Variants in LRRC27 observed in about 807,000 individuals in gnomAD.
LRRC27 encodes the protein leucine rich repeat containing 27.
Under a neutral mutation model 55.0 loss-of-function variants are expected in LRRC27, and 57 were observed. The observed-to-expected ratio is 1.04, with a 90% CI of 0.84 to 1.29. The LOEUF is 1.29. Ranked by LOEUF, LRRC27 falls within the 50% of genes most tolerant of loss-of-function variation. The pLI is 0.00. For missense variants in LRRC27, 721 were observed against 651.5 expected (o/e 1.11, Z -1.16); for synonymous variants, 278 against 251.9 (o/e 1.10, Z -0.98).
At chr10:132,331,819 CCTTCAA>C, upstream of LRRC27, 1 of 1,551,916 alleles carries the variant, frequency 6.4e-7, no homozygotes. Flanking sequence ...GACCACCACC[CCTTCAA>C]GGCCGCGGGC....
chr10:132,375,367 C>A lies in LRRC27; in HGVS notation c.*125C>A. On this transcript the variant is annotated 3_prime_UTR_variant, in exon 11 of 11. Coordinates refer to ENST00000368614, the MANE Select transcript of LRRC27 (RefSeq NM_030626.3). ...TCAGTGTTACCCTGAGGGCTGATTT[C>A]GCGCAGCCTGTTGTTTTCCTTAGAC... The A allele has an allele frequency of 1.2e-6, 1 of 821,322 alleles. No individual in the cohort carries two copies. The highest frequency in any genetic ancestry group is 1.9e-6 in the Non-Finnish European group (1 of 535,414). 50.9% of individuals were successfully genotyped at this position (821,322 alleles called of 1,614,324 possible).
At chr10:132,343,476 C>G (rs1364232750) in intron 4 of LRRC27, among the ~76,000 whole-genome samples, 2 of 152,184 alleles carry the variant, frequency 1.3e-5, no homozygotes, top group African/African-American at 4.8e-5. Context: ...AGAATTTAAG[C>G]TTTTTAAAGA....
At position 132,376,753 on chromosome 10, in the gene LRRC27, T is replaced by TGTCCC. The variant is rs991715064; in HGVS notation, c.*1513_*1514insCCCGT. 3 of 152,312 alleles carry TGTCCC rather than the reference T, an allele frequency of 2.0e-5. No individual in the cohort carries two copies. Among genetic ancestry groups the TGTCCC allele is most frequent in the Non-Finnish European group, 4.4e-5 (3 of 68,070 alleles). The allele number at this position is 152,312 out of a possible 1,614,324, so 9.4% of individuals were successfully genotyped here. Reference sequence around the variant, plus strand: ...CACTTGAGAAGAATGTATTTTGAGTTGTTGGGTACATTGTTTTGTGTGTGT... The same window carrying TGTCCC: ...CACTTGAGAAGAATGTATTTTGAGTTGTCCCGTTGGGTACATTGTTTTGTGTGTGT... On this transcript the variant is annotated 3_prime_UTR_variant, in exon 11 of 11. Transcript: ENST00000368614.
intron 8 of LRRC27, among the ~76,000 whole-genome samples, chr10:132,358,001 C>G (rs575576163): frequency 6.6e-6 from 1 of 152,334 alleles, no homozygotes; most frequent in East Asian, 1.9e-4. Context: ...GTGCCACCCT[C>G]TGGGCCTGCG....
At chr10:132,344,281 A>G (rs920406168) in intron 4 of LRRC27, among the ~76,000 whole-genome samples, 4 of 151,964 alleles carry the variant, frequency 2.6e-5, no homozygotes, top group Non-Finnish European at 5.9e-5. Context: ...GATTTTATTT[A>G]TTTGTTTTTT....
At chr10:132,347,960 T>G in intron 5 of LRRC27, 24 bp from the exon 6 acceptor site, 2 of 1,568,618 alleles carry the variant, frequency 1.3e-6, no homozygotes, top group Non-Finnish European at 1.7e-6. Context: ...TGGTAGCTAC[T>G]AAAGCGGTTT....
At chr10:132,353,565 C>G (rs2068169227) in intron 7 of LRRC27, among the ~76,000 whole-genome samples, 1 of 152,224 alleles carries the variant, frequency 6.6e-6, no homozygotes, top group Admixed American at 6.5e-5. Context: ...GAACTGGTCC[C>G]CTGTCCCAGG....
chr10:132,348,159 C>T lies in LRRC27; in HGVS notation c.729C>T (p.Leu243=), dbSNP rs1250922515. ...PPVEKPDLSE[L]RKSADSSENW... The stretch of plus-strand genomic sequence containing the variant: ...TGGAAAAGCCAGACCTGAGTGAACT[C>T]AGGAAGTCTGCGGACTCCTCAGAGA... Residue 243 remains leucine, a synonymous_variant, in exon 6 of 11, where the codon CTC becomes CTT. Coordinates refer to ENST00000368614, the MANE Select transcript of LRRC27 (RefSeq NM_030626.3). The surrounding 1 kb of genome is among the most constrained non-coding windows in gnomAD (Gnocchi z 4.2). 1 of 1,614,088 alleles carries T rather than the reference C, an allele frequency of 6.2e-7. No individual in the cohort carries two copies. Among genetic ancestry groups the T allele is most frequent in the Non-Finnish European group, 8.5e-7 (1 of 1,180,044 alleles).
chr10:132,364,762 T>TTACACCCA (rs1590721945), intron 9 of LRRC27, among the ~76,000 whole-genome samples: 2 of 1,272 alleles, frequency 1.6e-3, no homozygotes, highest in East Asian at 0.05. Flanking sequence ...ACACTTACAC[T>TTACACCCA]CATGCTTACA....
intron 7 of LRRC27, chr10:132,353,211 C>A: frequency 7.4e-7 from 1 of 1,358,712 alleles, no homozygotes; most frequent in Non-Finnish European, 9.5e-7. Context: ...ACTTTCCCGG[C>A]TTCTTTGTGA....
chr10:132,332,068 CCCCCGCGCGCAGGCGCACCACA>C (rs1174834510), upstream of LRRC27: 3 of 285,154 alleles, frequency 1.1e-5, no homozygotes, highest in Admixed American at 1.1e-4. Context: ...AACACGCACA[CCCCCGCGCGCAGGCGCACCACA>C]CCCCTCGCGC....
chr10:132,331,621 A>G (rs752277575), upstream of LRRC27: 7 of 1,612,902 alleles, frequency 4.3e-6, no homozygotes, highest in Non-Finnish European at 5.1e-6. Flanking sequence ...CGGGAAGGAC[A>G]GGCAGCGAGG....
chr10:132,364,802 C>A (rs2068962534), intron 9 of LRRC27, among the ~76,000 whole-genome samples: 2 of 121,896 alleles, frequency 1.6e-5, no homozygotes, highest in South Asian at 4.9e-4. Flanking sequence ...TCACACCCAC[C>A]CACACTTACA....
At chr10:132,334,530 C>T (rs893538734) in intron 2 of LRRC27, among the ~76,000 whole-genome samples, 5 of 152,124 alleles carry the variant, frequency 3.3e-5, no homozygotes, top group African/African-American at 9.7e-5. Flanking sequence ...TGTAAGCCAC[C>T]GCACCTGGCC....
rs185895218 is a variant in LRRC27, at chr10:132,369,347, A to G, written c.1416+3797A>G. ...CATAGCAGCTTTTTTCATAATTGCCAAAACTTGGAAGCACCCAAGGTGTCC... is the reference window on the plus strand; with the variant it reads ...CATAGCAGCTTTTTTCATAATTGCCGAAACTTGGAAGCACCCAAGGTGTCC... On this transcript the variant is annotated intron_variant, in intron 10 of 10. Transcript: ENST00000368614. 2.0e-3 allele frequency among the ~76,000 whole-genome samples: 309 copies of G among 152,344 alleles called. 1 individual carries two copies. Among genetic ancestry groups the G allele is most frequent in the Non-Finnish European group, 3.4e-3 (233 of 68,024 alleles).
In LRRC27 at chr10:132,374,083, A is replaced by AT. The variant is rs1183465809; in HGVS notation, c.1417-982dup. 4.9e-5 allele frequency among the ~76,000 whole-genome samples: 7 copies of AT among 142,810 alleles called. No homozygotes were observed. Among genetic ancestry groups the AT allele is most frequent in the Non-Finnish European group, 1.1e-4 (7 of 65,664 alleles). The allele number at this position is 142,810 out of a possible 152,430, so 93.7% of individuals were successfully genotyped here. The stretch of plus-strand genomic sequence containing the variant: ...CAGGGGTCTCCGGGGACCTGTTGTG[A>AT]TATGGCTGCATGGTGAGGGGGTGCA... On this transcript the variant is annotated intron_variant, in intron 10 of 10. Coordinates refer to ENST00000368614, the MANE Select transcript of LRRC27 (RefSeq NM_030626.3). The surrounding 1 kb of genome is among the most constrained non-coding windows in gnomAD (Gnocchi z 4.4).
chr10:132,365,780 A>G (rs1398009164), intron 10 of LRRC27, among the ~76,000 whole-genome samples: 1 of 152,080 alleles, frequency 6.6e-6, no homozygotes, highest in Non-Finnish European at 1.5e-5. Context: ...TGTATTTTTA[A>G]TAGAGATAGG....
rs542610459 is a variant in LRRC27, at chr10:132,380,890, G to A, written c.*5648G>A. Among the ~76,000 whole-genome samples the A allele has an allele frequency of 2.0e-5, 3 of 152,300 alleles. No individual in the cohort carries two copies. The highest frequency in any genetic ancestry group is 1.9e-4 in the East Asian group (1 of 5,190). ...CCAATTCAAGATAAATGAATCCAGC[G>A]TAAGGACCATAGTAAAAAAATAAGG... On this transcript the variant is annotated 3_prime_UTR_variant, in exon 11 of 11. Transcript: ENST00000368614.
At chr10:132,342,586 G>T (rs933575710) in intron 4 of LRRC27, among the ~76,000 whole-genome samples, 3 of 152,154 alleles carry the variant, frequency 2.0e-5, no homozygotes, top group African/African-American at 7.2e-5. Context: ...GCTGCATCTC[G>T]CTGGCCTTCC....
Sources: gnomAD v4.1 joint callset for allele counts (sites outside exome capture counted in the v4.1 genomes callset) on GRCh38, gnomAD v4.1.1 for gene constraint, Gnocchi (gnomAD v3.1) non-coding constraint, MANE v1.5 for transcripts, NCBI Gene and HGNC (gene_info 2026-07-23, HGNC 2026-07-21) for gene names.